LHFPL3: variants seen among roughly 807,000 people sequenced by gnomAD.
The protein encoded by LHFPL3 is LHFPL tetraspan subfamily member 3.
In LHFPL3, 5 loss-of-function variants were observed where a neutral mutation model predicts 19.3. The observed-to-expected ratio is 0.26, with a 90% CI of 0.14 to 0.54. LHFPL3 has a LOEUF of 0.54. Ranked by LOEUF, LHFPL3 falls within the 20% of genes least tolerant of loss-of-function variation. The pLI, the probability that LHFPL3 is intolerant of heterozygous loss-of-function variation, is 0.94. For synonymous variants in LHFPL3, 133 were observed against 126.2 expected, an observed-to-expected ratio of 1.05 and a Z score of -0.36; for missense variants, 249 against 307.4, an observed-to-expected ratio of 0.81 and a Z score of 1.42.
At chr7:104,521,464 G>A (rs145038101) in intron 1 of LHFPL3, among the ~76,000 whole-genome samples, 1,933 of 152,158 alleles carry the variant, frequency 0.013, 38 homozygotes, top group African/African-American at 0.044. Context: ...TTACCATTCA[G>A]GACATAGGCA....
chr7:104,711,444 A>C (rs1236722488), intron 1 of LHFPL3, among the ~76,000 whole-genome samples: 1 of 152,214 alleles, frequency 6.6e-6, no homozygotes, highest in Non-Finnish European at 1.5e-5. Context: ...AGCCCAAATG[A>C]TTCCAAAGTT....
chr7:104,567,618 G>C (rs1187899065), intron 1 of LHFPL3, among the ~76,000 whole-genome samples: 1 of 152,170 alleles, frequency 6.6e-6, no homozygotes, highest in Admixed American at 6.5e-5. Context: ...AATCACTTTA[G>C]TCAGTCTAAG....
At chr7:104,494,559 C>T (rs901739960) in intron 1 of LHFPL3, among the ~76,000 whole-genome samples, 1 of 152,128 alleles carries the variant, frequency 6.6e-6, no homozygotes, top group Non-Finnish European at 1.5e-5. Flanking sequence ...AAAGAACTCC[C>T]TGCCCCCAAA....
At chr7:104,703,904 C>T (rs1362938647) in intron 1 of LHFPL3, among the ~76,000 whole-genome samples, 3 of 152,118 alleles carry the variant, frequency 2.0e-5, no homozygotes, top group African/African-American at 7.2e-5. Flanking sequence ...CCTGGGCTTA[C>T]CTTAGCTCCC....
chr7:104,804,825 C>A (rs1331096299), intron 2 of LHFPL3, among the ~76,000 whole-genome samples: 2 of 152,212 alleles, frequency 1.3e-5, no homozygotes, highest in Non-Finnish European at 2.9e-5. Context: ...TGATTGCATT[C>A]TTGTGAGAGA....
chr7:104,427,544 G>GTTT (rs1491257101), intron 1 of LHFPL3, among the ~76,000 whole-genome samples: 1 of 152,212 alleles, frequency 6.6e-6, no homozygotes, highest in African/African-American at 2.4e-5. Flanking sequence ...TCAACATGTA[G>GTTT]TTTGAGTGGC....
intron 1 of LHFPL3, 64 bp from the exon 2 acceptor site, chr7:104,736,611 G>C: frequency 9.4e-7 from 1 of 1,066,496 alleles, no homozygotes; most frequent in Non-Finnish European, 1.4e-6. Flanking sequence ...GGAAACATTT[G>C]CTAAGTTAAA....
rs1792425203 is a variant in LHFPL3, at chr7:104,669,267, G to C, written c.446-67408G>C. On this transcript the variant is annotated intron_variant, in intron 1 of 2. Transcript: ENST00000424859. ...AGCAGCAATCCCCTACAAGTGGTGG[G>C]GGAAAAGTAGCTCCAGCTCAACCAT... is the stretch of plus-strand genomic sequence containing the variant. 34 of 1,614,010 alleles carry C rather than the reference G, an allele frequency of 2.1e-5. No homozygotes were observed. In the South Asian group the frequency reaches 3.3e-4, roughly 16 times the overall value.
intron 2 of LHFPL3, chr7:104,769,019 G>C (rs1456861465): frequency 6.6e-6 from 1 of 152,200 alleles, no homozygotes; most frequent in East Asian, 1.9e-4. Context: ...ATTTCCCTCT[G>C]TCATTGGGGA....
chr7:104,655,327 CA>C (rs541822913), intron 1 of LHFPL3, among the ~76,000 whole-genome samples: 142 of 152,260 alleles, frequency 9.3e-4, no homozygotes, highest in African/African-American at 3.3e-3. Flanking sequence ...GGTAATTAAA[CA>C]GGGAGAAAGA....
intron 1 of LHFPL3, among the ~76,000 whole-genome samples, chr7:104,401,421 A>C (rs951746195): frequency 6.6e-6 from 1 of 152,238 alleles, no homozygotes; most frequent in Non-Finnish European, 1.5e-5. Flanking sequence ...ATTTTCATTA[A>C]ATAAACACAC....
chr7:104,535,805 A>C (rs1794379194), intron 1 of LHFPL3, among the ~76,000 whole-genome samples: 1 of 152,224 alleles, frequency 6.6e-6, no homozygotes, highest in Non-Finnish European at 1.5e-5. Flanking sequence ...GGACATTTAA[A>C]ATAGCAGCTG....
At chr7:104,825,508 C>A (rs1790800419) in intron 2 of LHFPL3, among the ~76,000 whole-genome samples, 1 of 151,788 alleles carries the variant, frequency 6.6e-6, no homozygotes, top group Admixed American at 6.6e-5. Context: ...GTAATAAAAC[C>A]TGTCATTCAG....
intron 1 of LHFPL3, among the ~76,000 whole-genome samples, chr7:104,471,076 TA>T (rs1445697386): frequency 1.4e-4 from 22 of 152,320 alleles, no homozygotes; most frequent in African/African-American, 5.3e-4. Flanking sequence ...TTTCTCCCTT[TA>T]AACATGGAAT....
intron 1 of LHFPL3, among the ~76,000 whole-genome samples, chr7:104,482,380 C>T (rs1399209754): frequency 6.6e-6 from 1 of 152,180 alleles, no homozygotes; most frequent in Non-Finnish European, 1.5e-5. Flanking sequence ...TGGGGTCAGA[C>T]TTTTCCTTAT....
At chr7:104,600,721 C>A (rs1047556733) in intron 1 of LHFPL3, among the ~76,000 whole-genome samples, 2 of 152,158 alleles carry the variant, frequency 1.3e-5, no homozygotes, top group Non-Finnish European at 2.9e-5. Flanking sequence ...TTAAATAGCA[C>A]CCTATGGCCT....
intron 2 of LHFPL3, among the ~76,000 whole-genome samples, chr7:104,886,510 G>A (rs539007633): frequency 3.3e-5 from 5 of 152,094 alleles, no homozygotes; most frequent in South Asian, 2.1e-4. Flanking sequence ...GATTACAGGC[G>A]CCCACCACCA....
At chr7:104,503,164 T>C (rs926180627) in intron 1 of LHFPL3, among the ~76,000 whole-genome samples, 2 of 151,580 alleles carry the variant, frequency 1.3e-5, no homozygotes, top group Non-Finnish European at 2.9e-5. Context: ...GGTTAAATAA[T>C]ATTAAGCTTT....
intron 2 of LHFPL3, among the ~76,000 whole-genome samples, chr7:104,828,799 C>T (rs921358547): frequency 2.0e-5 from 3 of 151,886 alleles, no homozygotes; most frequent in Non-Finnish European, 4.4e-5. Context: ...CTTTGGGAGG[C>T]CAAGGCAGGT....
Sources: gnomAD v4.1 joint callset for allele counts (sites outside exome capture counted in the v4.1 genomes callset) on GRCh38, gnomAD v4.1.1 for gene constraint, MANE v1.5 for transcripts, NCBI Gene and HGNC (gene_info 2026-07-23, HGNC 2026-07-21) for gene names.